CSMD3: variants seen among roughly 807,000 people sequenced by gnomAD.
CSMD3 encodes CUB and sushi domain-containing protein 3.
CSMD3 carries 177 observed loss-of-function variants against 435.2 expected under a neutral mutation model. The ratio of observed to expected loss-of-function variants is 0.41; its 90% CI spans 0.36 to 0.46. CSMD3 has a LOEUF of 0.46. Among genes scored for constraint, CSMD3 ranks in the 20% least tolerant of loss-of-function variants. The probability of loss-of-function intolerance (pLI) is 0.34; values close to 1 mark genes in which losing one functional copy is unlikely to be tolerated. For missense variants in CSMD3, 4,265 were observed against 4,504.6 expected (o/e 0.95, Z 1.52); for synonymous variants, 1,656 against 1,520.5 (o/e 1.09, Z -2.07).
chr8:113,028,392 T>C (rs1185590790), intron 5 of CSMD3, among the ~76,000 whole-genome samples: 1 of 151,480 alleles, frequency 6.6e-6, no homozygotes, highest in Non-Finnish European at 1.5e-5. Flanking sequence ...AATTAATAAA[T>C]ATACAATGGC....
chr8:112,928,732 A>G (rs1355905261), intron 9 of CSMD3, among the ~76,000 whole-genome samples: 7 of 149,930 alleles, frequency 4.7e-5, no homozygotes, highest in African/African-American at 1.2e-4. Context: ...ATTGTGAATA[A>G]TGCCGCAATA....
At chr8:113,311,613 C>G (rs1040830907) in intron 2 of CSMD3, 1 of 152,054 alleles carries the variant, frequency 6.6e-6, no homozygotes, top group African/African-American at 2.4e-5. Context: ...AACAGTGAGT[C>G]AAACAGCCAG....
At chr8:112,886,961 G>A (rs1391218825) in intron 10 of CSMD3, among the ~76,000 whole-genome samples, 2 of 151,216 alleles carry the variant, frequency 1.3e-5, no homozygotes. Flanking sequence ...TGAACTTGCG[G>A]ATTTGGAGGG....
chr8:113,428,204 ATATCTATCTATCTATCTATCTATCTATC>A (rs36077177), intron 1 of CSMD3, among the ~76,000 whole-genome samples: 7 of 146,116 alleles, frequency 4.8e-5, no homozygotes, highest in Admixed American at 6.9e-5. Context: ...CAACTGTGGG[ATATCTATCTATCTATCTATCTATCTATC>A]TATCTATCTA....
At chr8:112,302,107 T>C in intron 52 of CSMD3, 141 bp from the exon 53 acceptor site, 1 of 672,100 alleles carries the variant, frequency 1.5e-6, no homozygotes, top group South Asian at 1.7e-5. Flanking sequence ...CATGTTTGAA[T>C]GAGTGTGAAA....
At chr8:112,442,714 C>T (rs1467312562) in intron 32 of CSMD3, among the ~76,000 whole-genome samples, 1 of 152,154 alleles carries the variant, frequency 6.6e-6, no homozygotes, top group African/African-American at 2.4e-5. Context: ...TCTGACTCAG[C>T]TCTCATCAAA....
rs1307426654 is a variant in CSMD3 at position 112,244,563 on chromosome 8, A to G, written c.10233T>C (p.Cys3411=). 6.2e-7 allele frequency: 1 copy of G among 1,613,734 alleles called. No homozygotes were observed. Among genetic ancestry groups the G allele is most frequent in the South Asian group, 1.1e-5 (1 of 91,076 alleles). Residue 3411 remains cysteine, a synonymous_variant, in exon 65 of 71, where the codon TGT becomes TGC. Coordinates refer to ENST00000297405, the MANE Select transcript of CSMD3 (RefSeq NM_198123.2). ...GIQPECIPHS[C]KQPETPAHAN... ...CATGAGCAGGAGTTTCTGGCTGTTT[A>G]CAGCTGTGGGCTATATTAAGAAAAG...
intron 55 of CSMD3, 66 bp from the exon 56 acceptor site, chr8:112,291,761 A>G: frequency 9.8e-7 from 1 of 1,022,770 alleles, no homozygotes; most frequent in Non-Finnish European, 1.5e-6. Context: ...ATAGATTTAT[A>G]TTAGAAATGT....
intron 28 of CSMD3, among the ~76,000 whole-genome samples, chr8:112,513,026 G>A (rs375814680): frequency 6.6e-6 from 1 of 152,052 alleles, no homozygotes; most frequent in East Asian, 1.9e-4. Flanking sequence ...AAAGAGTTAG[G>A]GCCTTCCTTT....
intron 32 of CSMD3, among the ~76,000 whole-genome samples, chr8:112,437,637 T>A (rs978476636): frequency 6.6e-6 from 1 of 152,132 alleles, no homozygotes; most frequent in African/African-American, 2.4e-5. Context: ...AATTTGGATA[T>A]TGAAAGCTTT....
chr8:112,743,296 CA>C (rs372456900), intron 13 of CSMD3, among the ~76,000 whole-genome samples: 3,018 of 141,036 alleles, frequency 0.021, 86 homozygotes, highest in African/African-American at 0.07. Context: ...ACATTCTCAC[CA>C]AAAAAAAAAA....
chr8:112,902,686 G>A (rs2082139041), intron 10 of CSMD3, among the ~76,000 whole-genome samples: 1 of 151,150 alleles, frequency 6.6e-6, no homozygotes, highest in African/African-American at 2.4e-5. Flanking sequence ...TGAGCCTTAT[G>A]GATTTACTGA....
chr8:113,365,306 T>C (rs2094304216), intron 1 of CSMD3, among the ~76,000 whole-genome samples: 2 of 152,088 alleles, frequency 1.3e-5, no homozygotes, highest in African/African-American at 2.4e-5. Context: ...TGAGAAAAGT[T>C]ACCTTAAACA....
At chr8:113,224,390 G>A (rs2093003291) in intron 3 of CSMD3, among the ~76,000 whole-genome samples, 1 of 151,032 alleles carries the variant, frequency 6.6e-6, no homozygotes, top group Non-Finnish European at 1.5e-5. Flanking sequence ...CATATTTTGT[G>A]AAAATATTAA....
chr8:113,379,384 A>G (rs2133097511), intron 1 of CSMD3, among the ~76,000 whole-genome samples: 1 of 152,334 alleles, frequency 6.6e-6, no homozygotes, highest in Non-Finnish European at 1.5e-5. Flanking sequence ...GGAAGATATA[A>G]TAATATTCCA....
intron 64 of CSMD3, among the ~76,000 whole-genome samples, chr8:112,245,535 T>C (rs1413982743): frequency 6.6e-6 from 1 of 152,130 alleles, no homozygotes; most frequent in Non-Finnish European, 1.5e-5. Flanking sequence ...TGGTTTTTTG[T>C]TTTTGATTTT....
Position 112,638,831 on chromosome 8 carries a change from G to C in CSMD3, c.3391C>G (p.Gln1131Glu), listed in dbSNP as rs2131589632. ...GAACCAGTCAGGCGTGCCAGTGGTT[G>C]GGTAAAACTGCCATTCTCTGTGATC... Reference protein sequence around the residue: ...LLITENGSFTQPLARLTGSDL... With the variant: ...LLITENGSFTEPLARLTGSDL... The change falls in exon 21 of 71, where the codon CAA (glutamine) becomes GAA (glutamate). Residue 1131 changes from glutamine (Q) to glutamate (E), a missense_variant. By Grantham distance (29) the Gln-to-Glu change is conservative. Around this residue, in one of 3 missense-constraint regions of CSMD3, gnomAD observed 3,255 missense variants for 3,380.2 expected, o/e 0.96. Coordinates refer to ENST00000297405, the MANE Select transcript of CSMD3 (RefSeq NM_198123.2). The C allele has an allele frequency of 6.2e-7, 1 of 1,612,708 alleles. No individual in the cohort carries two copies. Among genetic ancestry groups the C allele is most frequent in the South Asian group, 1.1e-5 (1 of 91,056 alleles).
At chr8:112,822,967 T>A (rs879983735) in intron 12 of CSMD3, among the ~76,000 whole-genome samples, 1 of 152,266 alleles carries the variant, frequency 6.6e-6, no homozygotes, top group Middle Eastern at 3.4e-3. Context: ...ACCAGCCTTG[T>A]ATCCCGGGGA....
chr8:112,876,680 C>T (rs2081291680), intron 10 of CSMD3, among the ~76,000 whole-genome samples: 1 of 151,966 alleles, frequency 6.6e-6, no homozygotes, highest in African/African-American at 2.4e-5. Context: ...TGGAAGCATT[C>T]CCTTTGAAAA....
Sources: gnomAD v4.1 joint callset for allele counts (sites outside exome capture counted in the v4.1 genomes callset) on GRCh38, gnomAD v4.1.1 for gene constraint, gnomAD v4.1.1 regional missense constraint, MANE v1.5 for transcripts, NCBI Gene and HGNC (gene_info 2026-07-23, HGNC 2026-07-21) for gene names.